SNX24: variants seen among roughly 807,000 people sequenced by gnomAD.
SNX24 encodes the protein sorting nexin 24.
A neutral mutation model predicts 28.7 loss-of-function variants in SNX24; 22 were observed. The observed-to-expected ratio is 0.77, with a 90% CI of 0.55 to 1.10. The LOEUF (loss-of-function observed/expected upper bound fraction) is 1.10, where lower values mean the gene tolerates loss of function less well. SNX24 is among the 50% of genes least tolerant of loss of function. The probability of loss-of-function intolerance (pLI) is 0.00; values close to 1 mark genes in which losing one functional copy is unlikely to be tolerated. For synonymous variants in SNX24, 69 were observed against 71.5 expected, an observed-to-expected ratio of 0.96 and a Z score of 0.18; for missense variants, 221 against 201.1, an observed-to-expected ratio of 1.10 and a Z score of -0.60.
chr5:122,906,527 A>C (rs1191536595), intron 1 of SNX24, among the ~76,000 whole-genome samples: 4 of 152,008 alleles, frequency 2.6e-5, no homozygotes, highest in African/African-American at 9.7e-5. Context: ...TTTTGTTTTG[A>C]GTGGAGTTTT....
At chr5:122,979,360 C>CTCAA (rs1761298031) in intron 3 of SNX24, among the ~76,000 whole-genome samples, 1 of 152,190 alleles carries the variant, frequency 6.6e-6, no homozygotes, top group African/African-American at 2.4e-5. Flanking sequence ...CATTCAGCTG[C>CTCAA]TATTGATTTG....
chr5:122,983,306 ATTTAC>A (rs1175518574), intron 3 of SNX24, among the ~76,000 whole-genome samples: 1 of 148,438 alleles, frequency 6.7e-6, no homozygotes, highest in African/African-American at 2.5e-5. Context: ...GCATATTCTT[ATTTAC>A]TTTTGCATAA....
chr5:122,860,379 A>T (rs918231102), intron 1 of SNX24, among the ~76,000 whole-genome samples: 4 of 152,096 alleles, frequency 2.6e-5, no homozygotes, highest in Admixed American at 6.5e-5. Flanking sequence ...CTGACCATTG[A>T]TGTGCTTTAT....
chr5:122,858,380 TAATA>T (rs1486972337), intron 1 of SNX24, among the ~76,000 whole-genome samples: 1 of 152,236 alleles, frequency 6.6e-6, no homozygotes, highest in African/African-American at 2.4e-5. Flanking sequence ...CTTTAATTTG[TAATA>T]AATGCAGTAT....
chr5:122,856,082 A>T (rs527523943), intron 1 of SNX24, among the ~76,000 whole-genome samples: 1 of 152,260 alleles, frequency 6.6e-6, no homozygotes, highest in African/African-American at 2.4e-5. Context: ...TGGGCATAGT[A>T]CCCAATAGGT....
At chr5:122,938,456 T>C (rs1331153371) in intron 2 of SNX24, among the ~76,000 whole-genome samples, 1 of 152,220 alleles carries the variant, frequency 6.6e-6, no homozygotes, top group Non-Finnish European at 1.5e-5. Flanking sequence ...TTTTGAATAT[T>C]GTTGGCAGCC....
At chr5:122,911,169 A>G (rs1182737210) in intron 1 of SNX24, among the ~76,000 whole-genome samples, 1 of 149,402 alleles carries the variant, frequency 6.7e-6, no homozygotes, top group Admixed American at 6.7e-5. Context: ...TTCTAACTGG[A>G]GTGAGATGGT....
intron 3 of SNX24, among the ~76,000 whole-genome samples, chr5:122,954,932 G>A (rs1043824293): frequency 6.6e-6 from 1 of 151,948 alleles, no homozygotes; most frequent in South Asian, 2.1e-4. Context: ...AAAAGTTTTA[G>A]CCATTATTTC....
chr5:122,916,903 A>G (rs546574046), intron 1 of SNX24, among the ~76,000 whole-genome samples: 46 of 152,272 alleles, frequency 3.0e-4, no homozygotes, highest in African/African-American at 1.1e-3. Flanking sequence ...AAAACTTCCT[A>G]GCTGGCTTTA....
chr5:122,946,032 C>G, intron 2 of SNX24, 23 bp from the exon 3 acceptor site: 4 of 1,017,482 alleles, frequency 3.9e-6, no homozygotes, highest in Non-Finnish European at 5.4e-6. Context: ...TTTTCTTTTT[C>G]TTTTCCTATT....
intron 1 of SNX24, among the ~76,000 whole-genome samples, chr5:122,902,569 C>T (rs550197563): frequency 7.2e-5 from 11 of 152,196 alleles, no homozygotes; most frequent in African/African-American, 2.4e-4. Context: ...CTCAGGGCCT[C>T]GATTCTCTGT....
At chr5:122,917,274 A>AG (rs1758219480) in intron 1 of SNX24, among the ~76,000 whole-genome samples, 1 of 151,754 alleles carries the variant, frequency 6.6e-6, no homozygotes, top group Non-Finnish European at 1.5e-5. Flanking sequence ...AAAAAAAGAA[A>AG]GAAAAAAAAG....
At chr5:122,853,956 A>G (rs1445158775) in intron 1 of SNX24, among the ~76,000 whole-genome samples, 1 of 152,180 alleles carries the variant, frequency 6.6e-6, no homozygotes, top group Non-Finnish European at 1.5e-5. Flanking sequence ...TTAAAAAACT[A>G]ATTTTGTTTT....
At chr5:122,858,659 C>T (rs1314175727) in intron 1 of SNX24, among the ~76,000 whole-genome samples, 1 of 152,234 alleles carries the variant, frequency 6.6e-6, no homozygotes, top group Non-Finnish European at 1.5e-5. Context: ...TATCCTCCCT[C>T]ACAAGCTTGC....
At chr5:122,933,478 G>A (rs183551164) in intron 1 of SNX24, among the ~76,000 whole-genome samples, 9 of 152,322 alleles carry the variant, frequency 5.9e-5, no homozygotes, top group Admixed American at 2.0e-4. Context: ...GCCTGGGTGG[G>A]GTCCCCTTCC....
At chr5:122,969,019 C>T (rs567127755) in intron 3 of SNX24, among the ~76,000 whole-genome samples, 5 of 151,988 alleles carry the variant, frequency 3.3e-5, no homozygotes, top group Non-Finnish European at 7.4e-5. Context: ...TGATAAAAAA[C>T]GTTTGGAAAA....
intron 3 of SNX24, among the ~76,000 whole-genome samples, chr5:122,968,614 G>A (rs1038186361): frequency 1.3e-5 from 2 of 152,148 alleles, no homozygotes; most frequent in African/African-American, 4.8e-5. Context: ...GTCTTCATAA[G>A]ATATTTTGAC....
At chr5:122,995,593 C>T (rs1762025048) in intron 3 of SNX24, among the ~76,000 whole-genome samples, 1 of 152,194 alleles carries the variant, frequency 6.6e-6, no homozygotes, top group South Asian at 2.1e-4. Context: ...GATTCTCGCA[C>T]ATAAACAGCT....
At chr5:122,890,241 GT>G (rs1022500802) in intron 1 of SNX24, among the ~76,000 whole-genome samples, 43 of 152,060 alleles carry the variant, frequency 2.8e-4, no homozygotes, top group African/African-American at 1.0e-3. Context: ...AGGTTTTGAT[GT>G]TTTCTCTGTT....
Sources: gnomAD v4.1 joint callset for allele counts (sites outside exome capture counted in the v4.1 genomes callset) on GRCh38, gnomAD v4.1.1 for gene constraint, MANE v1.5 for transcripts, NCBI Gene and HGNC (gene_info 2026-07-23, HGNC 2026-07-21) for gene names.